Variants in FGFR1 observed in about 807,000 individuals in gnomAD.
The protein encoded by FGFR1 is FGFR1/PLAG1 fusion.
FGFR1 carries 18 observed loss-of-function variants against 93.7 expected under a neutral mutation model. The ratio of observed to expected loss-of-function variants is 0.19; its 90% CI spans 0.13 to 0.28. The LOEUF (loss-of-function observed/expected upper bound fraction) is 0.28, where lower values mean the gene tolerates loss of function less well. Among genes scored for constraint, FGFR1 ranks in the 10% least tolerant of loss-of-function variants. The pLI is 1.00. For synonymous variants in FGFR1, 448 were observed against 429.3 expected, an observed-to-expected ratio of 1.04 and a Z score of -0.54; for missense variants, 731 against 1,080.4, an observed-to-expected ratio of 0.68 and a Z score of 4.53.
At chr8:38,457,302 C>T (rs1344474760) in intron 2 of FGFR1, 54 bp downstream of exon 2, 10 of 1,591,696 alleles carry the variant, frequency 6.3e-6, no homozygotes, top group African/African-American at 1.3e-5. Context: ...TCCCTCCCAG[C>T]CCATCCTGTT....
At chr8:38,436,841 C>T (rs910143849) in intron 2 of FGFR1, among the ~76,000 whole-genome samples, 1 of 152,124 alleles carries the variant, frequency 6.6e-6, no homozygotes, top group Non-Finnish European at 1.5e-5. Context: ...TACTTTCCCC[C>T]CAAATACTGC....
At chr8:38,457,936 T>C (rs1007517016) in intron 1 of FGFR1, among the ~76,000 whole-genome samples, 3 of 152,040 alleles carry the variant, frequency 2.0e-5, no homozygotes, top group African/African-American at 4.8e-5. Context: ...TGAGCTGAGA[T>C]TGCACCACTG....
chr8:38,429,973 G>A lies in FGFR1; in HGVS notation c.92-25C>T. ...GCTGCAGCCACCACGGGGCCGGGAA[G>A]GGAAGCCAAGGGGCGAGAGAGGAAG... On this transcript the variant is annotated intron_variant, in intron 2 of 17. Coordinates refer to ENST00000447712, the MANE Select transcript of FGFR1 (RefSeq NM_023110.3). This position sits in a 1 kb window ranked among gnomAD's most constrained non-coding sequence, Gnocchi z 4.4. 1.3e-6 allele frequency: 2 copies of A among 1,587,002 alleles called. No homozygotes were observed. The highest frequency in any genetic ancestry group is 8.6e-7 in the Non-Finnish European group (1 of 1,165,658).
intron 5 of FGFR1, among the ~76,000 whole-genome samples, chr8:38,427,302 CAG>C (rs1821143323): frequency 6.6e-6 from 1 of 152,038 alleles, no homozygotes; most frequent in African/African-American, 2.4e-5. Context: ...TTTTTGGAGA[CAG>C]AGTCTCACTC....
At position 38,465,793 on chromosome 8, in the gene FGFR1, G is replaced by T. The variant is rs1433488825; in HGVS notation, c.-89+2188C>A. 20 of 217,154 alleles carry T rather than the reference G, an allele frequency of 9.2e-5. No individual in the cohort carries two copies. The Admixed American group carries it at 1.1e-3, about 12-fold the overall frequency. 13.5% of individuals were successfully genotyped at this position (217,154 alleles called of 1,614,324 possible). A position where few individuals can be genotyped will look rare whatever the true frequency, so the allele number is the denominator to read the frequency against. On this transcript the variant is annotated intron_variant, in intron 1 of 17. Transcript: ENST00000447712. ...GAGCCCGGGCCAAGGGAGGAAAATG[G>T]CCACTTTCTGCTAAACAGTCTCAAG... is the stretch of plus-strand genomic sequence containing the variant.
chr8:38,463,473 C>T (rs997323814), intron 1 of FGFR1: 4 of 213,928 alleles, frequency 1.9e-5, no homozygotes, highest in East Asian at 1.4e-4. Flanking sequence ...GTTCTTCATT[C>T]TCTTCTCTCC....
Position 38,411,993 on chromosome 8 carries a change from C to G in FGFR1, c.*1635G>C. On this transcript the variant is annotated 3_prime_UTR_variant, in exon 18 of 18. Transcript: ENST00000447712. ...TGACATGTTCTCCTGCACTTAGAAGCACTGGCAAAACCATGCCCACATAGA... is the reference window on the plus strand; with the variant it reads ...TGACATGTTCTCCTGCACTTAGAAGGACTGGCAAAACCATGCCCACATAGA... 1 of 231,692 alleles carries G rather than the reference C, an allele frequency of 4.3e-6. No individual in the cohort carries two copies. Among genetic ancestry groups the G allele is most frequent in the Non-Finnish European group, 8.5e-6 (1 of 117,040 alleles). The allele number at this position is 231,692 out of a possible 1,614,324, so 14.4% of individuals were successfully genotyped here. A position where few individuals can be genotyped will look rare whatever the true frequency, so the allele number is the denominator to read the frequency against.
chr8:38,454,909 T>C (rs1832312264), intron 2 of FGFR1, among the ~76,000 whole-genome samples: 1 of 151,852 alleles, frequency 6.6e-6, no homozygotes, highest in African/African-American at 2.4e-5. Flanking sequence ...ATAGTGTCAC[T>C]ACTTGCTAAA....
At chr8:38,422,885 C>T (rs565526150) in intron 7 of FGFR1, 324 of 606,022 alleles carry the variant, frequency 5.3e-4, no homozygotes, top group Non-Finnish European at 8.0e-4. Context: ...CCTCCCAGGC[C>T]GGGTATTTTT....
chr8:38,421,831 G>A lies in FGFR1; in HGVS notation c.1047C>T (p.Leu349=), dbSNP rs962302466. The A allele has an allele frequency of 6.2e-7, 1 of 1,614,152 alleles. No individual in the cohort carries two copies. Among genetic ancestry groups the A allele is most frequent in the Non-Finnish European group, 8.5e-7 (1 of 1,180,012 alleles). ...CGGTCAACCATGCAGAGTGATGGGA[G>A]AGTCCGATAGAGTTACCCGCCAAGC... ...YTCLAGNSIG[L]SHHSAWLTVL... is the part of the protein sequence containing the mutation. Residue 349 remains leucine (L), a synonymous_variant, in exon 8 of 18, where the codon CTC becomes CTT. Transcript: ENST00000447712.
intron 1 of FGFR1, chr8:38,466,741 G>A (rs1185885750): frequency 1.9e-5 from 4 of 215,156 alleles, no homozygotes; most frequent in Non-Finnish European, 1.9e-5. Context: ...ATGCGGCTGC[G>A]GTGTACCCGT....
At chr8:38,450,432 C>G (rs1162422778) in intron 2 of FGFR1, among the ~76,000 whole-genome samples, 1 of 152,170 alleles carries the variant, frequency 6.6e-6, no homozygotes, top group African/African-American at 2.4e-5. Flanking sequence ...GAAAATAGGG[C>G]CAGCTGCTGG....
rs1358230144 is a variant in FGFR1 at position 38,413,853 on chromosome 8, C to T, written c.2293-49G>A. ...CGATGGGCCGGGCCCCTCCTCCCTG[C>T]TCAGGGAGGTGCGTGCACGCAGTGG... On this transcript the variant is annotated intron_variant, in intron 17 of 17. Coordinates refer to ENST00000447712, the MANE Select transcript of FGFR1 (RefSeq NM_023110.3). The surrounding 1 kb of genome is among the most constrained non-coding windows in gnomAD (Gnocchi z 4.2). 6.2e-7 allele frequency: 1 copy of T among 1,610,902 alleles called. No individual in the cohort carries two copies. Among genetic ancestry groups the T allele is most frequent in the Admixed American group, 1.7e-5 (1 of 59,964 alleles).
rs763858257 is a variant in FGFR1, at chr8:38,429,873, C to T, written c.167G>A (p.Arg56Gln). The T allele has an allele frequency of 5.6e-6, 9 of 1,613,904 alleles. No individual in the cohort carries two copies. Among genetic ancestry groups the T allele is most frequent in the Admixed American group, 1.7e-5 (1 of 59,994 alleles). ...GATGCTCTGCACATCGTCCCGCAGCCGACAGCGAAGCTGCAGCAGGTCACC... is the reference window on the plus strand; with the variant it reads ...GATGCTCTGCACATCGTCCCGCAGCTGACAGCGAAGCTGCAGCAGGTCACC... Reference protein sequence around the residue: ...HPGDLLQLRCRLRDDVQSINW... With the variant: ...HPGDLLQLRCQLRDDVQSINW... The change falls in exon 3 of 18, where the codon CGG (arginine) becomes CAG (glutamine). Residue 56 changes from arginine (R) to glutamine (Q), a missense_variant. Physicochemically the swap from Arg to Gln is conservative, Grantham distance 43. This residue lies in a region of FGFR1 where 212 missense variants were observed against 205.8 expected (regional missense o/e 1.03). Coordinates refer to ENST00000447712, the MANE Select transcript of FGFR1 (RefSeq NM_023110.3). This position sits in a 1 kb window ranked among gnomAD's most constrained non-coding sequence, Gnocchi z 4.4.
intron 2 of FGFR1, among the ~76,000 whole-genome samples, chr8:38,455,448 G>A (rs1329886276): frequency 2.0e-5 from 3 of 151,990 alleles, no homozygotes; most frequent in Admixed American, 6.6e-5. Context: ...CTGCCACTAC[G>A]CCCGGCTAAT....
intron 1 of FGFR1, among the ~76,000 whole-genome samples, chr8:38,462,076 A>G (rs1834519527): frequency 6.6e-6 from 1 of 152,198 alleles, no homozygotes; most frequent in African/African-American, 2.4e-5. Context: ...AAAAGTATAC[A>G]CCGCATCTTA....
chr8:38,416,411 A>G (rs1431373408), intron 12 of FGFR1, among the ~76,000 whole-genome samples: 2 of 149,092 alleles, frequency 1.3e-5, no homozygotes, highest in Non-Finnish European at 3.0e-5. Context: ...CAGCCTCCCA[A>G]GCAGCTGGGA....
chr8:38,421,587 G>A (rs1351476644), intron 8 of FGFR1: 2 of 643,718 alleles, frequency 3.1e-6, no homozygotes, highest in East Asian at 5.5e-5. Context: ...GTACGGGTGG[G>A]AGGCCTCCGT....
At chr8:38,427,104 C>CT (rs1821053251) in intron 5 of FGFR1, among the ~76,000 whole-genome samples, 1 of 126,766 alleles carries the variant, frequency 7.9e-6, no homozygotes, top group Non-Finnish European at 1.7e-5. Flanking sequence ...GAGACTCCGT[C>CT]TAAAAAAAAA....
Sources: allele counts gnomAD v4.1 joint callset (sites outside exome capture counted in the v4.1 genomes callset), GRCh38; gene constraint gnomAD v4.1.1; regional missense constraint gnomAD v4.1.1; non-coding constraint Gnocchi (gnomAD v3.1); transcripts MANE v1.5; gene names NCBI Gene and HGNC (gene_info 2026-07-23, HGNC 2026-07-21).